The following MAT1A variants were observed in gnomAD, a reference collection of about 807,000 sequenced individuals.
MAT1A encodes the protein methionine adenosyltransferase 1A, also known as S-adenosylmethionine synthase isoform type-1.
A neutral mutation model predicts 44.0 loss-of-function variants in MAT1A; 19 were observed. The observed-to-expected ratio is 0.43, with a 90% CI of 0.30 to 0.63. The LOEUF is 0.63. MAT1A is among the 30% of genes least tolerant of loss of function. The pLI, the probability that MAT1A is intolerant of heterozygous loss-of-function variation, is 0.12. For synonymous variants in MAT1A, 205 were observed against 205.6 expected, an observed-to-expected ratio of 1.00 and a Z score of 0.03; for missense variants, 397 against 531.0, an observed-to-expected ratio of 0.75 and a Z score of 2.48.
rs150999180 is a variant in MAT1A at position 80,289,548 on chromosome 10, C to T, written c.-125G>A. The T allele has an allele frequency of 1.9e-5, 14 of 754,240 alleles. No homozygotes were observed. Among genetic ancestry groups the T allele is most frequent in the Middle Eastern group, 2.6e-4 (1 of 3,898 alleles). The allele number at this position is 754,240 out of a possible 1,614,324, so 46.7% of individuals were successfully genotyped here. On this transcript the variant is annotated 5_prime_UTR_variant, in exon 1 of 9. In the 5' UTR this introduces an upstream ATG that the reference lacks. Transcript: ENST00000372213. Reference sequence around the variant, plus strand: ...AACAGGCTTGTCTTTGGCAGAGCCACGGGGATCACTTCTGCCTAACTGCCT... The same window carrying T: ...AACAGGCTTGTCTTTGGCAGAGCCATGGGGATCACTTCTGCCTAACTGCCT...
chr10:80,280,261 A>C lies in MAT1A; in HGVS notation c.461T>G (p.Ile154Ser). The part of the protein sequence containing the change: ...DETEECMPLT[I>S]ILAHKLNARM... Reference sequence around the variant, plus strand: ...GGCGTTGAGCTTGTGAGCAAGGATGATGGTGAGGGGCATGCACTCCTCTGT... The same window carrying C: ...GGCGTTGAGCTTGTGAGCAAGGATGCTGGTGAGGGGCATGCACTCCTCTGT... The change falls in exon 5 of 9, where the codon ATC becomes AGC. Residue 154 changes from isoleucine to serine, a missense_variant. By Grantham distance (142) the Ile-to-Ser change is moderately radical. Coordinates refer to ENST00000372213, the MANE Select transcript of MAT1A (RefSeq NM_000429.3). The C allele has an allele frequency of 6.2e-7, 1 of 1,614,040 alleles. No individual in the cohort carries two copies. The highest frequency in any genetic ancestry group is 1.1e-5 in the South Asian group (1 of 91,050).
At chr10:80,283,222 C>T (rs911023387) in intron 3 of MAT1A, among the ~76,000 whole-genome samples, 4 of 152,238 alleles carry the variant, frequency 2.6e-5, no homozygotes, top group Non-Finnish European at 4.4e-5. Flanking sequence ...GGTGTCTGCT[C>T]TCTGGGTCCT....
intron 3 of MAT1A, among the ~76,000 whole-genome samples, chr10:80,282,890 A>C (rs1841587408): frequency 6.6e-6 from 1 of 152,192 alleles, no homozygotes; most frequent in South Asian, 2.1e-4. Context: ...ACAGGCAGAA[A>C]TGAACACCTT....
intron 3 of MAT1A, among the ~76,000 whole-genome samples, chr10:80,282,435 C>G (rs570714315): frequency 3.7e-4 from 57 of 152,344 alleles, no homozygotes; most frequent in South Asian, 6.2e-4. Context: ...GCTGGGCTCT[C>G]GCTCATTTCT....
rs58596616 is a variant in MAT1A at position 80,285,829 on chromosome 10, C to CT, written c.92-241dup. Among the ~76,000 whole-genome samples the CT allele has an allele frequency of 0.039, 5,509 of 142,616 alleles. 337 individuals carry two copies. The highest frequency in any genetic ancestry group is 0.13 in the African/African-American group (4,933 of 38,850). 93.6% of individuals were successfully genotyped at this position (142,616 alleles called of 152,430 possible). A position where few individuals can be genotyped will look rare whatever the true frequency, so the allele number is the denominator to read the frequency against. On this transcript the variant is annotated intron_variant, in intron 1 of 8. Coordinates refer to ENST00000372213, the MANE Select transcript of MAT1A (RefSeq NM_000429.3). ...ATAGAATGCCCTAAAAAAGAAATAC[C>CT]TTTTTTTTTTTTTTGAGATGGAGTG...
At chr10:80,279,778 C>T (rs1207651332) in intron 5 of MAT1A, among the ~76,000 whole-genome samples, 6 of 135,068 alleles carry the variant, frequency 4.4e-5, no homozygotes, top group South Asian at 2.5e-4. Context: ...GCACAGACAG[C>T]GCAGACACAG....
intron 1 of MAT1A, among the ~76,000 whole-genome samples, chr10:80,287,342 A>T (rs1348561614): frequency 6.6e-6 from 1 of 152,244 alleles, no homozygotes; most frequent in African/African-American, 2.4e-5. Context: ...TAGTAGGCTT[A>T]AGATAGCCAA....
At chr10:80,282,299 C>T (rs1841577477) in intron 3 of MAT1A, among the ~76,000 whole-genome samples, 1 of 152,182 alleles carries the variant, frequency 6.6e-6, no homozygotes, top group Non-Finnish European at 1.5e-5. Context: ...AGCAACACCG[C>T]AGCCAGGAGC....
In MAT1A at chr10:80,283,964, C is replaced by T. The variant is rs757429728; in HGVS notation, c.244G>A (p.Val82Met). The T allele has an allele frequency of 6.2e-7, 1 of 1,614,236 alleles. No homozygotes were observed. Residue 82 changes from valine to methionine, a missense_variant, in exon 3 of 9, where the codon GTG (valine) becomes ATG (methionine). Transcript: ENST00000372213. ...ATGTGCTTGATGGTGTCCCTCACCA[C>T]CCGCTGGTAGTCCACCATGGCCATT... ...TSMAMVDYQR[V>M]VRDTIKHIGY...
chr10:80,280,630 A>G (rs1345102830), intron 4 of MAT1A, 50 bp downstream of exon 4: 1 of 1,507,456 alleles, frequency 6.6e-7, no homozygotes, highest in Non-Finnish European at 9.2e-7. Flanking sequence ...CTGCTCATGA[A>G]CTTTCCCAGC....
intron 4 of MAT1A, 45 bp from the exon 5 acceptor site, chr10:80,280,361 A>G: frequency 6.2e-7 from 1 of 1,611,010 alleles, no homozygotes. Context: ...CTAGACCAAG[A>G]GGACCGCAGC....
intron 3 of MAT1A, among the ~76,000 whole-genome samples, chr10:80,281,403 A>C (rs1841565265): frequency 6.6e-6 from 1 of 152,100 alleles, no homozygotes; most frequent in South Asian, 2.1e-4. Flanking sequence ...TACAAAGCTG[A>C]GGCACAGGGT....
intron 3 of MAT1A, 144 bp downstream of exon 3, chr10:80,283,772 G>T: frequency 7.6e-7 from 1 of 1,310,576 alleles, no homozygotes; most frequent in Non-Finnish European, 1.1e-6. Flanking sequence ...TTGACCCCTG[G>T]AACCTGACAG....
rs1333645626 is a variant in MAT1A, at chr10:80,274,543, G to A, written c.1062C>T (p.Asp354=). ...ELLDVVHKNF[D]LRPGVIVRDL... The stretch of plus-strand genomic sequence containing the variant: ...ACCTGACAATGACGCCCGGCCGGAG[G>A]TCGAAGTTCTTATGCACCACATCCA... Residue 354 remains aspartate (D), a synonymous_variant, in exon 8 of 9, where the codon GAC becomes GAT. Coordinates refer to ENST00000372213, the MANE Select transcript of MAT1A (RefSeq NM_000429.3). The A allele has an allele frequency of 3.7e-6, 6 of 1,614,076 alleles. No homozygotes were observed. The highest frequency in any genetic ancestry group is 1.1e-5 in the South Asian group (1 of 91,088).
chr10:80,276,332 G>A, intron 6 of MAT1A, 44 bp downstream of exon 6: 1 of 1,601,510 alleles, frequency 6.2e-7, no homozygotes, highest in South Asian at 1.1e-5. Flanking sequence ...AGCAACCCCA[G>A]TAACAAAGAC....
At chr10:80,279,000 A>C (rs1841525345) in intron 5 of MAT1A, among the ~76,000 whole-genome samples, 1 of 152,254 alleles carries the variant, frequency 6.6e-6, no homozygotes, top group Non-Finnish European at 1.5e-5. Flanking sequence ...TCGATTAAGC[A>C]AAGATGGTGT....
chr10:80,274,956 G>A (rs1169480561), intron 7 of MAT1A, 61 bp downstream of exon 7: 2 of 1,530,090 alleles, frequency 1.3e-6, no homozygotes, highest in African/African-American at 2.8e-5. Context: ...CCCTCACTCA[G>A]GGCAGAACTG....
rs1412871923 is a variant in MAT1A, at chr10:80,280,236, G to A, written c.486C>T (p.Ala162=). The A allele has an allele frequency of 1.2e-6, 2 of 1,614,008 alleles. No individual in the cohort carries two copies. The highest frequency in any genetic ancestry group is 2.7e-5 in the African/African-American group (2 of 74,916). Residue 162 remains alanine (A), a synonymous_variant, in exon 5 of 9, where the codon GCC becomes GCT. Transcript: ENST00000372213. ...LTIILAHKLN[A]RMADLRRSGL... is the part of the protein sequence containing the mutation. ...CGGAGCGCCTGAGGTCTGCCATCCG[G>A]GCGTTGAGCTTGTGAGCAAGGATGA...
At chr10:80,283,780 C>A in intron 3 of MAT1A, 136 bp downstream of exon 3, 2 of 1,376,662 alleles carry the variant, frequency 1.5e-6, no homozygotes, top group Non-Finnish European at 2.1e-6. Flanking sequence ...TGGAACCTGA[C>A]AGACAAGTGT....
Sources: allele counts gnomAD v4.1 joint callset (sites outside exome capture counted in the v4.1 genomes callset), GRCh38; gene constraint gnomAD v4.1.1; transcripts MANE v1.5; gene names NCBI Gene and HGNC (gene_info 2026-07-23, HGNC 2026-07-21).